The following RPL22 variants were observed in gnomAD, a reference collection of about 807,000 sequenced individuals.
The protein encoded by RPL22 is ribosomal protein L22, also known as large ribosomal subunit protein eL22.
A neutral mutation model predicts 16.2 loss-of-function variants in RPL22; 4 were observed. The observed-to-expected ratio is 0.25, with a 90% CI of 0.12 to 0.57. The LOEUF is 0.57. Among genes scored for constraint, RPL22 ranks in the 20% least tolerant of loss-of-function variants. The pLI, the probability that RPL22 is intolerant of heterozygous loss-of-function variation, is 0.92. For synonymous variants in RPL22, 43 were observed against 54.8 expected (o/e 0.78, Z 0.95); for missense variants, 83 against 156.1 (o/e 0.53, Z 2.49).
At position 6,185,437 on chromosome 1, in the gene RPL22, A is replaced by G. The variant is rs1330696391; in HGVS notation, c.*1235T>C. 2 of 398,772 alleles carry G rather than the reference A, an allele frequency of 5.0e-6. No individual in the cohort carries two copies. Among genetic ancestry groups the G allele is most frequent in the Non-Finnish European group, 8.8e-6 (2 of 225,992 alleles). 24.7% of individuals were successfully genotyped at this position (398,772 alleles called of 1,614,324 possible). On this transcript the variant is annotated 3_prime_UTR_variant, in exon 4 of 4. Transcript: ENST00000234875. The stretch of plus-strand genomic sequence containing the variant: ...ATGGAAAAATGCCAGAGCCTTTAAC[A>G]CAAGTGAAATTGCAAAGCCTCAACA...
In RPL22 at chr1:6,190,454, C is replaced by T. The variant is rs188048817; in HGVS notation, c.242+2476G>A. Among the ~76,000 whole-genome samples, 777 of 152,284 alleles carry T rather than the reference C, an allele frequency of 5.1e-3. 3 individuals carry two copies. The highest frequency in any genetic ancestry group is 0.017 in the African/African-American group (705 of 41,566). ...GGAGTGCAATGGTGCTATCTTGGCT[C>T]ACCGCAACCTCCGCCTCCCTGGTTC... On this transcript the variant is annotated intron_variant, in intron 3 of 3. Transcript: ENST00000234875.
intron 3 of RPL22, among the ~76,000 whole-genome samples, chr1:6,191,667 T>C (rs1220687849): frequency 2.2e-5 from 3 of 135,530 alleles, no homozygotes; most frequent in Admixed American, 7.6e-5. Context: ...AAAGCGAGAC[T>C]CTGTCTCCAA....
intron 3 of RPL22, among the ~76,000 whole-genome samples, chr1:6,187,235 G>C (rs1488943285): frequency 6.6e-6 from 1 of 152,138 alleles, no homozygotes; most frequent in African/African-American, 2.4e-5. Context: ...TTGAATCCAG[G>C]AGGCGGAGGG....
intron 3 of RPL22, among the ~76,000 whole-genome samples, chr1:6,188,084 T>C (rs1384249345): frequency 6.6e-6 from 1 of 152,100 alleles, no homozygotes; most frequent in Non-Finnish European, 1.5e-5. Context: ...TTAGACAGAA[T>C]CTCCTTCTGT....
At chr1:6,191,359 CA>C (rs769446432) in intron 3 of RPL22, among the ~76,000 whole-genome samples, 4,802 of 32,480 alleles carry the variant, frequency 0.15, 91 homozygotes, top group African/African-American at 0.29. Context: ...GACTCCGTCT[CA>C]AAAAAAAAAA....
intron 3 of RPL22, among the ~76,000 whole-genome samples, chr1:6,192,193 C>T (rs1005351577): frequency 2.0e-5 from 3 of 152,080 alleles, no homozygotes; most frequent in Non-Finnish European, 2.9e-5. Flanking sequence ...GGACTACAGG[C>T]ACATGTCACC....
In RPL22 at chr1:6,187,034, A is replaced by G. The variant is rs180815177; in HGVS notation, c.243-218T>C. ...CAGTAACAATTAGAATAGCCTCAGC[A>G]TGGTGGCTCAGGCCTGTAATCCCAG... On this transcript the variant is annotated intron_variant, in intron 3 of 3. Coordinates refer to ENST00000234875, the MANE Select transcript of RPL22 (RefSeq NM_000983.4). Among the ~76,000 whole-genome samples the G allele has an allele frequency of 5.9e-5, 9 of 152,342 alleles. No individual in the cohort carries two copies. The East Asian group carries it at 7.7e-4, about 13-fold the overall frequency.
Position 6,197,176 on chromosome 1 carries a change from C to T in RPL22, c.117+476G>A, listed in dbSNP as rs907618666. 1.1e-4 allele frequency among the ~76,000 whole-genome samples: 17 copies of T among 152,276 alleles called. No homozygotes were observed. In the South Asian group the frequency reaches 2.7e-3, roughly 24 times the overall value. On this transcript the variant is annotated intron_variant, in intron 2 of 3. Coordinates refer to ENST00000234875, the MANE Select transcript of RPL22 (RefSeq NM_000983.4). ...TCCCGAGTAGCTGGGATTACAGGTG[C>T]ACACCACCACACCCAGCTAATTTTT...
intron 2 of RPL22, 50 bp downstream of exon 2, chr1:6,197,602 T>G: frequency 1.6e-6 from 2 of 1,224,444 alleles, no homozygotes; most frequent in Non-Finnish European, 2.4e-6. Context: ...TTCTCAACAG[T>G]ATCTCAAAAT....
intron 3 of RPL22, among the ~76,000 whole-genome samples, chr1:6,189,748 CCT>C (rs1339869710): frequency 6.6e-6 from 1 of 151,990 alleles, no homozygotes; most frequent in Non-Finnish European, 1.5e-5. Flanking sequence ...GATGAAACCC[CCT>C]CTCTACTAAA....
intron 3 of RPL22, among the ~76,000 whole-genome samples, chr1:6,192,114 A>G (rs1667660103): frequency 6.6e-6 from 1 of 151,998 alleles, no homozygotes; most frequent in South Asian, 2.1e-4. Context: ...CAGTGGCACA[A>G]TCACAGCTCA....
At chr1:6,192,276 G>A (rs1448239191) in intron 3 of RPL22, among the ~76,000 whole-genome samples, 6 of 152,092 alleles carry the variant, frequency 3.9e-5, no homozygotes, top group Non-Finnish European at 4.4e-5. Context: ...CAAACTCCTG[G>A]GCTCAAGCAA....
At chr1:6,198,145 A>G (rs1360694917) in intron 1 of RPL22, 5 of 211,650 alleles carry the variant, frequency 2.4e-5, no homozygotes, top group Non-Finnish European at 4.8e-5. Context: ...TTCCAAAATT[A>G]GAGTGCAGGC....
chr1:6,187,905 G>A (rs1417286173), intron 3 of RPL22, among the ~76,000 whole-genome samples: 6 of 152,098 alleles, frequency 3.9e-5, no homozygotes, highest in African/African-American at 9.7e-5. Flanking sequence ...GCACACACTC[G>A]CTCCTGCTCA....
At chr1:6,193,145 A>C in intron 2 of RPL22, 91 bp from the exon 3 acceptor site, 2 of 1,500,482 alleles carry the variant, frequency 1.3e-6, no homozygotes, top group Non-Finnish European at 1.8e-6. Context: ...AACTAATATC[A>C]TTTTTTGTTT....
chr1:6,196,341 C>T (rs978545204), intron 2 of RPL22, among the ~76,000 whole-genome samples: 1 of 151,886 alleles, frequency 6.6e-6, no homozygotes, highest in African/African-American at 2.4e-5. Context: ...AAAGAGGAGG[C>T]CACAGAAAAG....
At chr1:6,188,360 A>C (rs566120397) in intron 3 of RPL22, among the ~76,000 whole-genome samples, 2 of 152,124 alleles carry the variant, frequency 1.3e-5, no homozygotes, top group East Asian at 3.9e-4. Context: ...GGAAAGGCAA[A>C]AACTGGCTTT....
intron 3 of RPL22, among the ~76,000 whole-genome samples, chr1:6,187,291 G>C (rs1391718420): frequency 6.6e-6 from 1 of 151,862 alleles, no homozygotes; most frequent in East Asian, 1.9e-4. Context: ...CTGGGTGACA[G>C]AGCAAGACTG....
chr1:6,195,990 G>T (rs1237587649), intron 2 of RPL22, among the ~76,000 whole-genome samples: 3 of 151,212 alleles, frequency 2.0e-5, no homozygotes, highest in Non-Finnish European at 4.4e-5. Context: ...TTGAACCAGG[G>T]AAACGGAGAT....
Sources: allele counts gnomAD v4.1 joint callset (sites outside exome capture counted in the v4.1 genomes callset), GRCh38; gene constraint gnomAD v4.1.1; transcripts MANE v1.5; gene names NCBI Gene and HGNC (gene_info 2026-07-23, HGNC 2026-07-21).